LALBA: variants seen among roughly 807,000 people sequenced by gnomAD.
The protein encoded by LALBA is lactalbumin alpha, also known as alpha-lactalbumin.
In LALBA, 12 loss-of-function variants were observed where a neutral mutation model predicts 13.4. The observed-to-expected ratio is 0.89, with a 90% CI of 0.57 to 1.45. LALBA has a LOEUF of 1.45. LALBA is among the 40% of genes most tolerant of loss of function. The pLI, the probability that LALBA is intolerant of heterozygous loss-of-function variation, is 0.00. For missense variants in LALBA, 145 were observed against 165.9 expected (o/e 0.87, Z 0.69); for synonymous variants, 64 against 61.0 (o/e 1.05, Z -0.23).
Position 48,569,873 on chromosome 12 carries a change from A to C in LALBA, c.133+15T>G. On this transcript the variant is annotated intron_variant, in intron 1 of 3. Transcript: ENST00000301046. ...CGTATGAGGAATGGATGAAACACAG[A>C]GGCAGGGAACTCACATTCAGGCAAA... 1 of 1,613,334 alleles carries C rather than the reference A, an allele frequency of 6.2e-7. No homozygotes were observed. Among genetic ancestry groups the C allele is most frequent in the Non-Finnish European group, 8.5e-7 (1 of 1,179,384 alleles).
At chr12:48,571,269 TC>T (rs1938629433), upstream of LALBA, among the ~76,000 whole-genome samples, 1 of 151,952 alleles carries the variant, frequency 6.6e-6, no homozygotes, top group Non-Finnish European at 1.5e-5. Context: ...TCTGAATAGC[TC>T]CTTTAATTTG....
upstream of LALBA, among the ~76,000 whole-genome samples, chr12:48,570,912 G>A (rs373931088): frequency 2.0e-5 from 3 of 151,050 alleles, no homozygotes; most frequent in East Asian, 5.8e-4. Context: ...AGGAGGTCGA[G>A]GCTGCAGTGA....
Position 48,570,040 on chromosome 12 carries a change from C to T in LALBA, c.-20G>A. On this transcript the variant is annotated 5_prime_UTR_variant, in exon 1 of 4. Coordinates refer to ENST00000301046, the MANE Select transcript of LALBA (RefSeq NM_002289.3). ...CCTCATTTTGGCTACCCCCAAGAAC[C>T]TGAAATGGAAGCATCACTCAGTTTC... 2 of 1,613,482 alleles carry T rather than the reference C, an allele frequency of 1.2e-6. No homozygotes were observed. The highest frequency in any genetic ancestry group is 1.7e-5 in the Admixed American group (1 of 59,840).
intron 2 of LALBA, 146 bp downstream of exon 2, chr12:48,568,936 A>T (rs1938599182): frequency 2.9e-6 from 2 of 694,034 alleles, no homozygotes; most frequent in African/African-American, 3.6e-5. Context: ...ACAGCTTCTT[A>T]CTCAGTACTG....
intron 1 of LALBA, 94 bp downstream of exon 1, chr12:48,569,794 A>G (rs1472269779): frequency 2.6e-6 from 3 of 1,148,810 alleles, no homozygotes; most frequent in Admixed American, 2.1e-5. Flanking sequence ...TGATTAGATA[A>G]TTAAGTAAAA....
chr12:48,570,040 C>A lies in LALBA; in HGVS notation c.-20G>T. 1 of 1,613,482 alleles carries A rather than the reference C, an allele frequency of 6.2e-7. No individual in the cohort carries two copies. The highest frequency in any genetic ancestry group is 8.5e-7 in the Non-Finnish European group (1 of 1,179,752). On this transcript the variant is annotated 5_prime_UTR_variant, in exon 1 of 4. It adds an upstream start codon to the 5' untranslated region. Coordinates refer to ENST00000301046, the MANE Select transcript of LALBA (RefSeq NM_002289.3). The stretch of plus-strand genomic sequence containing the variant: ...CCTCATTTTGGCTACCCCCAAGAAC[C>A]TGAAATGGAAGCATCACTCAGTTTC...
At chr12:48,568,964 A>G (rs2137133855) in intron 2 of LALBA, 118 bp downstream of exon 2, 3 of 903,958 alleles carry the variant, frequency 3.3e-6, no homozygotes, top group Middle Eastern at 3.5e-4. Flanking sequence ...AAGTCCCACA[A>G]TTTTTATAGA....
At chr12:48,569,432 G>T (rs1355525303) in intron 1 of LALBA, among the ~76,000 whole-genome samples, 192 bp from the exon 2 acceptor site, 1 of 152,154 alleles carries the variant, frequency 6.6e-6, no homozygotes, top group Non-Finnish European at 1.5e-5. Flanking sequence ...AAATAAATGG[G>T]GCCAGGCATG....
upstream of LALBA, among the ~76,000 whole-genome samples, chr12:48,571,802 GT>G (rs1938637351): frequency 6.6e-6 from 1 of 152,136 alleles, no homozygotes; most frequent in Admixed American, 6.6e-5. Flanking sequence ...AGTCCTCTCA[GT>G]TAAATCCTGT....
intron 1 of LALBA, 51 bp from the exon 2 acceptor site, chr12:48,569,291 A>G: frequency 1.5e-5 from 22 of 1,468,950 alleles, no homozygotes; most frequent in Non-Finnish European, 2.0e-5. Flanking sequence ...GGATCTGCAT[A>G]AAGGAGGAAC....
rs766111432 is a variant in LALBA, at chr12:48,570,033, C to G, written c.-13G>C. On this transcript the variant is annotated 5_prime_UTR_variant, in exon 1 of 4. Coordinates refer to ENST00000301046, the MANE Select transcript of LALBA (RefSeq NM_002289.3). ...CAAAGAACCTCATTTTGGCTACCCC[C>G]AAGAACCTGAAATGGAAGCATCACT... is the stretch of plus-strand genomic sequence containing the variant. The G allele has an allele frequency of 5.0e-6, 8 of 1,613,634 alleles. No homozygotes were observed. In the Admixed American group the frequency reaches 1.2e-4, roughly 24 times the overall value.
intron 1 of LALBA, among the ~76,000 whole-genome samples, chr12:48,569,600 C>G (rs1938608259): frequency 6.6e-6 from 1 of 152,054 alleles, no homozygotes; most frequent in Non-Finnish European, 1.5e-5. Context: ...GTAATTCCAG[C>G]TACTTGGGAG....
In LALBA at chr12:48,567,821, G is replaced by T. The variant is rs368642775; in HGVS notation, c.*136C>A. 6 of 729,844 alleles carry T rather than the reference G, an allele frequency of 8.2e-6. No individual in the cohort carries two copies. In the South Asian group the frequency reaches 1.0e-4, roughly 12 times the overall value. The allele number at this position is 729,844 out of a possible 1,614,324, so 45.2% of individuals were successfully genotyped here. On this transcript the variant is annotated 3_prime_UTR_variant, in exon 4 of 4. Coordinates refer to ENST00000301046, the MANE Select transcript of LALBA (RefSeq NM_002289.3). The stretch of plus-strand genomic sequence containing the variant: ...CCTGGAAAATAGTCTTCAAGAATTC[G>T]GTGATGTCACTACAGGGCCCAAGGC...
At chr12:48,570,460 G>A (rs1938619883), upstream of LALBA, among the ~76,000 whole-genome samples, 1 of 152,156 alleles carries the variant, frequency 6.6e-6, no homozygotes, top group South Asian at 2.1e-4. Flanking sequence ...TGCAGAATGT[G>A]GAGAGGGGGT....
chr12:48,567,939 G>A lies in LALBA; in HGVS notation c.*18C>T. The stretch of plus-strand genomic sequence containing the variant: ...CCAGGAGTGTGGAGTGGGCAGGGGT[G>A]CCAAGGACAGCAGACACTCACAACT... On this transcript the variant is annotated 3_prime_UTR_variant, in exon 4 of 4. Transcript: ENST00000301046. 1 of 1,599,596 alleles carries A rather than the reference G, an allele frequency of 6.3e-7. No homozygotes were observed. Among genetic ancestry groups the A allele is most frequent in the Non-Finnish European group, 8.5e-7 (1 of 1,172,436 alleles).
intron 2 of LALBA, 69 bp from the exon 3 acceptor site, chr12:48,568,661 C>A (rs1054016699): frequency 2.8e-5 from 26 of 915,852 alleles, no homozygotes; most frequent in South Asian, 1.5e-5. Flanking sequence ...CTGAGTTCCC[C>A]TAACCCCTGG....
intron 3 of LALBA, 169 bp downstream of exon 3, chr12:48,568,348 C>T (rs2071380): frequency 0.03 from 19,018 of 629,340 alleles, 1,144 homozygotes; most frequent in African/African-American, 0.15. Context: ...TACCAAGGAG[C>T]GGAGCGAGAG....
At chr12:48,571,681 G>T (rs754958449), upstream of LALBA, among the ~76,000 whole-genome samples, 1 of 152,092 alleles carries the variant, frequency 6.6e-6, no homozygotes, top group African/African-American at 2.4e-5. Context: ...AGGAGCCGCT[G>T]CGCTGTTTCT....
chr12:48,570,451 G>A (rs73104702), upstream of LALBA, among the ~76,000 whole-genome samples: 12,118 of 152,168 alleles, frequency 0.08, 598 homozygotes, highest in African/African-American at 0.12. Context: ...CTAGAGACAT[G>A]CAGAATGTGG....
Sources: allele counts gnomAD v4.1 joint callset (sites outside exome capture counted in the v4.1 genomes callset), GRCh38; gene constraint gnomAD v4.1.1; transcripts MANE v1.5; gene names NCBI Gene and HGNC (gene_info 2026-07-23, HGNC 2026-07-21).